Variants in MALRD1 observed in about 807,000 individuals in gnomAD.
MALRD1 encodes the protein MAM and LDL-receptor class A domain-containing protein 1.
Under a neutral mutation model 242.1 loss-of-function variants are expected in MALRD1, and 247 were observed. That is an observed-to-expected ratio of 1.02 (90% CI 0.92 to 1.13). MALRD1 has a LOEUF of 1.13. Among genes scored for constraint, MALRD1 ranks in the 50% most tolerant of loss-of-function variants. The probability of loss-of-function intolerance (pLI) is 0.00; values close to 1 mark genes in which losing one functional copy is unlikely to be tolerated. For synonymous variants in MALRD1, 995 were observed against 866.6 expected, an observed-to-expected ratio of 1.15 and a Z score of -2.60; for missense variants, 2,989 against 2,533.1, an observed-to-expected ratio of 1.18 and a Z score of -3.86.
In MALRD1 at chr10:19,208,498, T is replaced by C. The variant is rs891473571; in HGVS notation, c.2579-770T>C. 3.9e-5 allele frequency among the ~76,000 whole-genome samples: 6 copies of C among 152,198 alleles called. No individual in the cohort carries two copies. The South Asian group carries it at 1.2e-3, about 32-fold the overall frequency. On this transcript the variant is annotated intron_variant, in intron 17 of 39. Transcript: ENST00000454679. ...AAAGAATCTGGATTCGAGAAGGAAG[T>C]GGTAATACTGCCATTGAAGGATTGT...
intron 31 of MALRD1, among the ~76,000 whole-genome samples, chr10:19,527,760 T>C (rs1430528648): frequency 2.0e-5 from 3 of 152,206 alleles, no homozygotes; most frequent in Non-Finnish European, 4.4e-5. Flanking sequence ...AATTAAGCCT[T>C]ACTGTACATG....
chr10:19,216,257 A>AT (rs1837311376), intron 18 of MALRD1, among the ~76,000 whole-genome samples: 1 of 151,566 alleles, frequency 6.6e-6, no homozygotes, highest in East Asian at 2.0e-4. Context: ...AGCTGGGACT[A>AT]TAGGTGCCTG....
In MALRD1 at chr10:19,156,303, G is replaced by GT. The variant is rs753789028; in HGVS notation, c.1656+1142dup. Reference sequence around the variant, plus strand: ...AAGATACTTTCTTTTCCTTTCTTTTGTTTTTTTTTTTCTTCCCATTTCTTT... The same window carrying GT: ...AAGATACTTTCTTTTCCTTTCTTTTGTTTTTTTTTTTTCTTCCCATTTCTTT... On this transcript the variant is annotated intron_variant, in intron 12 of 39. Transcript: ENST00000454679. 1.0e-3 allele frequency among the ~76,000 whole-genome samples: 147 copies of GT among 144,268 alleles called. 1 individual carries two copies. Among genetic ancestry groups the GT allele is most frequent in the South Asian group, 1.3e-3 (6 of 4,596 alleles). 94.6% of individuals were successfully genotyped at this position (144,268 alleles called of 152,430 possible). A position where few individuals can be genotyped will look rare whatever the true frequency, so the allele number is the denominator to read the frequency against.
intron 21 of MALRD1, among the ~76,000 whole-genome samples, chr10:19,298,336 T>C (rs1841802729): frequency 1.3e-5 from 2 of 151,530 alleles, no homozygotes; most frequent in Admixed American, 1.3e-4. Flanking sequence ...ATGACCCAAA[T>C]ATCTCCTGCT....
At chr10:19,158,985 A>G (rs192362552) in intron 12 of MALRD1, among the ~76,000 whole-genome samples, 172 of 152,346 alleles carry the variant, frequency 1.1e-3, no homozygotes, top group African/African-American at 3.8e-3. Context: ...CCAAAGATCA[A>G]TGTTAGAATA....
At chr10:19,135,256 G>C (rs1409474095) in intron 9 of MALRD1, among the ~76,000 whole-genome samples, 1 of 152,114 alleles carries the variant, frequency 6.6e-6, no homozygotes, top group Non-Finnish European at 1.5e-5. Context: ...CTGGGCTCAA[G>C]CAATTCTCTT....
intron 25 of MALRD1, among the ~76,000 whole-genome samples, chr10:19,350,197 G>C (rs2130990927): frequency 6.6e-6 from 1 of 151,644 alleles, no homozygotes; most frequent in South Asian, 2.1e-4. Flanking sequence ...CTTTGTAGGG[G>C]TTGGTATATA....
rs547676128 is a variant in MALRD1 at position 19,256,991 on chromosome 10, A to G, written c.2992-693A>G. On this transcript the variant is annotated intron_variant, in intron 18 of 39. Coordinates refer to ENST00000454679, the MANE Select transcript of MALRD1 (RefSeq NM_001142308.3). ...GTATTAAAATAATTCATCATGATCAATTCTGTTACAGTAAATCTCAACCCT... is the reference window on the plus strand; with the variant it reads ...GTATTAAAATAATTCATCATGATCAGTTCTGTTACAGTAAATCTCAACCCT... Among the ~76,000 whole-genome samples, 8 of 152,246 alleles carry G rather than the reference A, an allele frequency of 5.3e-5. No individual in the cohort carries two copies. The South Asian group carries it at 1.5e-3, about 28-fold the overall frequency.
chr10:19,524,347 C>T (rs891578338), intron 31 of MALRD1, among the ~76,000 whole-genome samples: 1 of 151,770 alleles, frequency 6.6e-6, no homozygotes, highest in Non-Finnish European at 1.5e-5. Context: ...CGTGGTGGTG[C>T]GTGCCTGTAG....
At chr10:19,334,119 G>GTTTTTTTTTTTTTTTTTTT (rs56931838) in intron 24 of MALRD1, among the ~76,000 whole-genome samples, 1 of 66,790 alleles carries the variant, frequency 1.5e-5, no homozygotes, top group Non-Finnish European at 2.7e-5. Context: ...CTGTTGGTAG[G>GTTTTTTTTTTTTTTTTTTT]TTTTTTTTTT....
intron 38 of MALRD1, among the ~76,000 whole-genome samples, chr10:19,700,876 AG>A (rs1286223688): frequency 6.6e-6 from 1 of 152,172 alleles, no homozygotes; most frequent in African/African-American, 2.4e-5. Flanking sequence ...GGATTCCCTC[AG>A]GCTGGGTGCA....
chr10:19,256,665 G>T (rs1287322971), intron 18 of MALRD1, among the ~76,000 whole-genome samples: 5 of 152,034 alleles, frequency 3.3e-5, no homozygotes, highest in Admixed American at 1.3e-4. Context: ...CCTCAAGAAA[G>T]GGTAGAAAGT....
intron 19 of MALRD1, 97 bp from the exon 20 acceptor site, chr10:19,279,950 T>C (rs1380298308): frequency 5.1e-6 from 5 of 972,810 alleles, no homozygotes; most frequent in Admixed American, 3.5e-5. Context: ...TATGATATTG[T>C]GGGGCATATT....
chr10:19,074,453 A>G (rs1334738864), intron 2 of MALRD1, among the ~76,000 whole-genome samples: 3 of 152,116 alleles, frequency 2.0e-5, no homozygotes, highest in African/African-American at 7.2e-5. Context: ...CATGAATTTG[A>G]AATGGGTGAA....
At chr10:19,214,164 C>A (rs1370821359) in intron 18 of MALRD1, among the ~76,000 whole-genome samples, 1 of 152,156 alleles carries the variant, frequency 6.6e-6, no homozygotes, top group Non-Finnish European at 1.5e-5. Flanking sequence ...TTCTCGGAAA[C>A]CTTGTCCTGA....
intron 36 of MALRD1, among the ~76,000 whole-genome samples, chr10:19,662,540 G>A (rs1288514572): frequency 6.6e-6 from 1 of 152,138 alleles, no homozygotes; most frequent in Non-Finnish European, 1.5e-5. Flanking sequence ...TTATGTATTT[G>A]TAGCATTTCT....
At chr10:19,369,452 A>G (rs1359083993) in intron 26 of MALRD1, among the ~76,000 whole-genome samples, 2 of 148,512 alleles carry the variant, frequency 1.3e-5, no homozygotes, top group Admixed American at 1.4e-4. Flanking sequence ...TATTTGCTTA[A>G]CATTGAGATA....
At position 19,118,482 on chromosome 10, in the gene MALRD1, C is replaced by T. The variant is rs2131370108; in HGVS notation, c.695-5010C>T. ...GTGGATTCATAGATTTTCTGGTTGACCATTGGTTGAGTTATTATCTGAAGA... is the reference window on the plus strand; with the variant it reads ...GTGGATTCATAGATTTTCTGGTTGATCATTGGTTGAGTTATTATCTGAAGA... On this transcript the variant is annotated intron_variant, in intron 5 of 39. Coordinates refer to ENST00000454679, the MANE Select transcript of MALRD1 (RefSeq NM_001142308.3). Among the ~76,000 whole-genome samples the T allele has an allele frequency of 1.3e-5, 2 of 152,206 alleles. 1 individual carries two copies. The highest frequency in any genetic ancestry group is 4.1e-4 in the South Asian group (2 of 4,828).
At chr10:19,342,336 A>C (rs536140489) in intron 24 of MALRD1, among the ~76,000 whole-genome samples, 285 of 152,220 alleles carry the variant, frequency 1.9e-3, no homozygotes, top group African/African-American at 6.7e-3. Context: ...ATTAACACTC[A>C]CATTATCTGA....
Sources: allele counts gnomAD v4.1 joint callset (sites outside exome capture counted in the v4.1 genomes callset), GRCh38; gene constraint gnomAD v4.1.1; transcripts MANE v1.5; gene names NCBI Gene and HGNC (gene_info 2026-07-23, HGNC 2026-07-21).